The following CHODL variants were observed in gnomAD, a reference collection of about 807,000 sequenced individuals.
The protein encoded by CHODL is chondrolectin, also known as transmembrane protein MT75.
CHODL carries 29 observed loss-of-function variants against 34.5 expected under a neutral mutation model. That is an observed-to-expected ratio of 0.84 (90% CI 0.63 to 1.15). The LOEUF (loss-of-function observed/expected upper bound fraction) is 1.15, where lower values mean the gene tolerates loss of function less well. Among genes scored for constraint, CHODL ranks in the 50% most tolerant of loss-of-function variants. CHODL has a pLI of 0.00. For synonymous variants in CHODL, 125 were observed against 116.1 expected, an observed-to-expected ratio of 1.08 and a Z score of -0.49; for missense variants, 332 against 332.5, an observed-to-expected ratio of 1.00 and a Z score of 0.01.
rs2074462057 is a variant in CHODL, at chr21:18,266,333, T to TAC, written c.*296_*297insCA. ...AAAGTTGTTATCAACACGTCGGGAGTATGTGTGTTAGAAGCAATTCCTTTT... is the reference window on the plus strand; with the variant it reads ...AAAGTTGTTATCAACACGTCGGGAGTACATGTGTGTTAGAAGCAATTCCTTTT... On this transcript the variant is annotated 3_prime_UTR_variant, in exon 6 of 6. Coordinates refer to ENST00000299295, the MANE Select transcript of CHODL (RefSeq NM_024944.3). The TAC allele has an allele frequency of 1.4e-6, 1 of 729,874 alleles. No individual in the cohort carries two copies. Among genetic ancestry groups the TAC allele is most frequent in the Non-Finnish European group, 2.1e-6 (1 of 471,964 alleles). 45.2% of individuals were successfully genotyped at this position (729,874 alleles called of 1,614,324 possible).
chr21:18,077,706 G>A (rs2064883243), intron 2 of CHODL, among the ~76,000 whole-genome samples: 1 of 152,052 alleles, frequency 6.6e-6, no homozygotes, highest in Non-Finnish European at 1.5e-5. Flanking sequence ...GTGCTGTTTA[G>A]GACGCAAACC....
At chr21:18,233,806 C>T (rs958514694) in intron 2 of CHODL, among the ~76,000 whole-genome samples, 3 of 152,182 alleles carry the variant, frequency 2.0e-5, no homozygotes, top group African/African-American at 7.2e-5. Flanking sequence ...GAAATTTTAT[C>T]ATTTATTACT....
At chr21:18,196,732 T>C (rs1201277493) in intron 2 of CHODL, among the ~76,000 whole-genome samples, 1 of 152,166 alleles carries the variant, frequency 6.6e-6, no homozygotes. Flanking sequence ...TTTATGGTTA[T>C]TATTACACAT....
At chr21:18,188,765 G>A (rs888802265) in intron 2 of CHODL, among the ~76,000 whole-genome samples, 3 of 152,250 alleles carry the variant, frequency 2.0e-5, no homozygotes, top group African/African-American at 7.2e-5. Flanking sequence ...TAGACAGAGA[G>A]AGGCTCTCTA....
At chr21:18,048,284 G>A (rs969197073) in intron 2 of CHODL, among the ~76,000 whole-genome samples, 1 of 151,782 alleles carries the variant, frequency 6.6e-6, no homozygotes, top group Non-Finnish European at 1.5e-5. Context: ...ATGTTTCTTG[G>A]TGTCTCTTCA....
chr21:18,003,027 G>A (rs1307895190), intron 1 of CHODL, among the ~76,000 whole-genome samples: 54 of 151,966 alleles, frequency 3.6e-4, no homozygotes, highest in Non-Finnish European at 1.2e-4. Flanking sequence ...GGAGGCTGAG[G>A]CAGGAGAATG....
At chr21:18,152,677 T>C (rs946753808) in intron 2 of CHODL, among the ~76,000 whole-genome samples, 1 of 152,232 alleles carries the variant, frequency 6.6e-6, no homozygotes, top group Non-Finnish European at 1.5e-5. Flanking sequence ...TCCAGTTTGC[T>C]AAGATGAATC....
At chr21:18,040,761 C>T (rs2146453184) in intron 2 of CHODL, among the ~76,000 whole-genome samples, 1 of 151,904 alleles carries the variant, frequency 6.6e-6, no homozygotes, top group Non-Finnish European at 1.5e-5. Context: ...GTGTTATCCA[C>T]AGAACTCTTT....
intron 2 of CHODL, among the ~76,000 whole-genome samples, chr21:18,141,203 T>C (rs1324658643): frequency 1.3e-5 from 2 of 152,078 alleles, no homozygotes; most frequent in African/African-American, 4.8e-5. Context: ...TGAGCTTTAT[T>C]TGGCAAGTAA....
At chr21:18,225,192 T>C (rs1250903111) in intron 2 of CHODL, among the ~76,000 whole-genome samples, 1 of 152,182 alleles carries the variant, frequency 6.6e-6, no homozygotes, top group Non-Finnish European at 1.5e-5. Context: ...AAATAGCCGT[T>C]ATCATGAATG....
At chr21:17,949,863 G>C (rs967663187) in intron 1 of CHODL, among the ~76,000 whole-genome samples, 1 of 152,002 alleles carries the variant, frequency 6.6e-6, no homozygotes, top group Non-Finnish European at 1.5e-5. Context: ...TGGGGGAGGA[G>C]GAAAGTAAAG....
chr21:18,193,507 A>T (rs951854658), intron 2 of CHODL, among the ~76,000 whole-genome samples: 1 of 151,916 alleles, frequency 6.6e-6, no homozygotes, highest in African/African-American at 2.4e-5. Flanking sequence ...CATCCTGCCC[A>T]ACATGGTGAA....
chr21:18,138,911 G>A (rs1459022720), intron 2 of CHODL, among the ~76,000 whole-genome samples: 1 of 152,060 alleles, frequency 6.6e-6, no homozygotes, highest in African/African-American at 2.4e-5. Context: ...TCTTGGAGCA[G>A]GGCACTCAGT....
chr21:18,191,971 G>C (rs934842254), intron 2 of CHODL, among the ~76,000 whole-genome samples: 1 of 152,160 alleles, frequency 6.6e-6, no homozygotes, highest in African/African-American at 2.4e-5. Flanking sequence ...TGAAAATCAT[G>C]TTGCAAATGA....
chr21:18,120,928 G>A (rs922177449), intron 2 of CHODL, among the ~76,000 whole-genome samples: 19 of 151,584 alleles, frequency 1.3e-4, no homozygotes, highest in African/African-American at 3.9e-4. Context: ...TCAAGCTTAG[G>A]GAAGATGGCA....
At chr21:18,190,624 C>A (rs192476146) in intron 2 of CHODL, among the ~76,000 whole-genome samples, 2 of 152,108 alleles carry the variant, frequency 1.3e-5, no homozygotes, top group African/African-American at 4.8e-5. Context: ...TTGGTGAGAA[C>A]CCACTAATGG....
intron 1 of CHODL, among the ~76,000 whole-genome samples, chr21:18,245,604 TG>T (rs2074130702): frequency 6.6e-6 from 1 of 152,110 alleles, no homozygotes; most frequent in South Asian, 2.1e-4. Context: ...GTGAGAGAGT[TG>T]ACCACACGGC....
At chr21:17,980,067 T>A (rs2063701632) in intron 1 of CHODL, among the ~76,000 whole-genome samples, 1 of 152,016 alleles carries the variant, frequency 6.6e-6, no homozygotes, top group Admixed American at 6.6e-5. Flanking sequence ...CTTCTTTTCT[T>A]CCTGTATTGA....
chr21:18,060,552 A>C (rs1018016807), intron 2 of CHODL, among the ~76,000 whole-genome samples: 1 of 152,054 alleles, frequency 6.6e-6, no homozygotes, highest in Non-Finnish European at 1.5e-5. Context: ...TATAGTACCC[A>C]TCAGGGCAGT....
Sources: gnomAD v4.1 joint callset for allele counts (sites outside exome capture counted in the v4.1 genomes callset) on GRCh38, gnomAD v4.1.1 for gene constraint, MANE v1.5 for transcripts, NCBI Gene and HGNC (gene_info 2026-07-23, HGNC 2026-07-21) for gene names.